KIAA0513: variants seen among roughly 807,000 people sequenced by gnomAD.
KIAA0513 encodes the protein KIAA0513.
KIAA0513 carries 39 observed loss-of-function variants against 56.5 expected under a neutral mutation model. The observed-to-expected ratio is 0.69, with a 90% CI of 0.53 to 0.90. KIAA0513 has a LOEUF of 0.90. KIAA0513 is among the 40% of genes least tolerant of loss of function. The pLI is 0.00. For missense variants in KIAA0513, 591 were observed against 535.2 expected (o/e 1.10, Z -1.03); for synonymous variants, 268 against 215.6 (o/e 1.24, Z -2.13).
chr16:85,028,439 C>T (rs957818157), intron 1 of KIAA0513, among the ~76,000 whole-genome samples: 1 of 152,150 alleles, frequency 6.6e-6, no homozygotes, highest in African/African-American at 2.4e-5. Flanking sequence ...CCTGTCCATT[C>T]TGCGTCTTCC....
rs755708902 is a variant in KIAA0513 at position 85,079,057 on chromosome 16, C to T, written c.902+54C>T. 5 of 1,613,434 alleles carry T rather than the reference C, an allele frequency of 3.1e-6. No homozygotes were observed. The African/African-American group carries it at 5.3e-5, about 17-fold the overall frequency. On this transcript the variant is annotated intron_variant, in intron 8 of 12. Coordinates refer to ENST00000683363, the MANE Select transcript of KIAA0513 (RefSeq NM_001388359.1). ...CCCTCTTACTGACGGGGCCAGCAGT[C>T]ACTCCCCGGGATCACTTCTAGCTGC...
chr16:85,071,170 C>T (rs767035851), intron 2 of KIAA0513, among the ~76,000 whole-genome samples: 9 of 152,004 alleles, frequency 5.9e-5, no homozygotes, highest in Non-Finnish European at 8.8e-5. Context: ...CTAGTGGTGG[C>T]GACACCAAGA....
At position 85,079,248 on chromosome 16, in the gene KIAA0513, T is replaced by C. The variant is rs903671427; in HGVS notation, c.902+245T>C. 14 of 741,234 alleles carry C rather than the reference T, an allele frequency of 1.9e-5. No individual in the cohort carries two copies. The African/African-American group carries it at 2.3e-4, about 12-fold the overall frequency. 45.9% of individuals were successfully genotyped at this position (741,234 alleles called of 1,614,324 possible). Reference sequence around the variant, plus strand: ...CTGAGAAACAGTCTGGCAGTTCCTTTAAAGGTGAAACACAAGAGTTACTCT... The same window carrying C: ...CTGAGAAACAGTCTGGCAGTTCCTTCAAAGGTGAAACACAAGAGTTACTCT... On this transcript the variant is annotated intron_variant, in intron 8 of 12. Transcript: ENST00000683363.
intron 2 of KIAA0513, among the ~76,000 whole-genome samples, chr16:85,070,666 C>T (rs1012920006): frequency 1.3e-5 from 2 of 152,150 alleles, no homozygotes; most frequent in Non-Finnish European, 2.9e-5. Flanking sequence ...CAAGACAGAG[C>T]GAGACTCCGT....
intron 10 of KIAA0513, among the ~76,000 whole-genome samples, chr16:85,085,183 A>G (rs756632283): frequency 2.6e-5 from 4 of 152,216 alleles, no homozygotes; most frequent in Admixed American, 2.6e-4. Context: ...GGGGAAAGAC[A>G]GTAGGAAGGA....
intron 1 of KIAA0513, among the ~76,000 whole-genome samples, chr16:85,047,997 C>T (rs1597601301): frequency 1.3e-5 from 2 of 152,098 alleles, no homozygotes; most frequent in African/African-American, 4.8e-5. Flanking sequence ...GTGGTGCTTA[C>T]CCTGTGGAGT....
chr16:85,069,822 G>A (rs1003175752), intron 2 of KIAA0513, among the ~76,000 whole-genome samples: 5 of 152,270 alleles, frequency 3.3e-5, no homozygotes, highest in Non-Finnish European at 5.9e-5. Context: ...ACACGTCAGC[G>A]TCTGAGAGGC....
At chr16:85,039,972 T>C (rs1376983549) in intron 1 of KIAA0513, among the ~76,000 whole-genome samples, 1 of 151,428 alleles carries the variant, frequency 6.6e-6, no homozygotes, top group Non-Finnish European at 1.5e-5. Context: ...GTAGCTGGGA[T>C]TACAGGCATG....
intron 1 of KIAA0513, among the ~76,000 whole-genome samples, chr16:85,061,136 G>A (rs996157931): frequency 3.3e-5 from 5 of 150,334 alleles, no homozygotes; most frequent in African/African-American, 7.4e-5. Flanking sequence ...CAGCCTGGGC[G>A]ACAGAGTGAG....
intron 1 of KIAA0513, among the ~76,000 whole-genome samples, chr16:85,062,882 T>C (rs189862934): frequency 2.0e-3 from 298 of 152,288 alleles, no homozygotes; most frequent in African/African-American, 6.5e-3. Context: ...GACCTTGTCC[T>C]GCCTAGAGGC....
At chr16:85,073,689 C>G (rs1010603815) in intron 4 of KIAA0513, among the ~76,000 whole-genome samples, 1 of 152,218 alleles carries the variant, frequency 6.6e-6, no homozygotes, top group Non-Finnish European at 1.5e-5. Flanking sequence ...GGGCAGTGGC[C>G]TGACCGACCC....
intron 1 of KIAA0513, among the ~76,000 whole-genome samples, chr16:85,054,421 C>CTTTTTTT (rs398042273): frequency 1.2e-3 from 145 of 119,528 alleles, no homozygotes; most frequent in East Asian, 3.6e-3. Flanking sequence ...TTTTTCTTTT[C>CTTTTTTT]TTTTTTTTTT....
intron 1 of KIAA0513, among the ~76,000 whole-genome samples, chr16:85,029,558 C>T (rs1046670380): frequency 2.1e-4 from 32 of 152,322 alleles, no homozygotes; most frequent in South Asian, 4.1e-4. Flanking sequence ...GTAGCCCCAG[C>T]GGCTCTGAGG....
rs1404572568 is a variant in KIAA0513, at chr16:85,090,510, C to G, written c.*2185C>G. ...GAAAGGCAGCGCTGACTTCGTTGGG[C>G]TTTTTTCCAAGCACTTTAACTTCAG... is the stretch of plus-strand genomic sequence containing the variant. On this transcript the variant is annotated 3_prime_UTR_variant, in exon 13 of 13. Coordinates refer to ENST00000683363, the MANE Select transcript of KIAA0513 (RefSeq NM_001388359.1). 3.3e-5 allele frequency: 5 copies of G among 152,296 alleles called. No homozygotes were observed. The highest frequency in any genetic ancestry group is 3.4e-3 in the Middle Eastern group (1 of 294). The allele number at this position is 152,296 out of a possible 1,614,324, so 9.4% of individuals were successfully genotyped here.
At chr16:85,062,989 G>A (rs1312654595) in intron 1 of KIAA0513, among the ~76,000 whole-genome samples, 3 of 146,812 alleles carry the variant, frequency 2.0e-5, no homozygotes, top group Admixed American at 7.1e-5. Context: ...ATCTGTGAGC[G>A]AGCCCCAGAC....
At chr16:85,045,421 T>C (rs1309487338) in intron 1 of KIAA0513, among the ~76,000 whole-genome samples, 1 of 152,180 alleles carries the variant, frequency 6.6e-6, no homozygotes, top group Non-Finnish European at 1.5e-5. Context: ...AGTGGTGCAA[T>C]ATTGGCTCAC....
rs62049919 is a variant in KIAA0513 at position 85,074,411 on chromosome 16, G to A, written c.503+1413G>A. 4.2e-3 allele frequency among the ~76,000 whole-genome samples: 638 copies of A among 151,772 alleles called. 8 individuals are homozygous for A. Among genetic ancestry groups the A allele is most frequent in the African/African-American group, 0.01 (414 of 41,324 alleles). On this transcript the variant is annotated intron_variant, in intron 4 of 12. Coordinates refer to ENST00000683363, the MANE Select transcript of KIAA0513 (RefSeq NM_001388359.1). ...GTCATCAGGCTGGTCTCAAACTCCC[G>A]GGCTCAAGGGATCCTCCTTCGTCAG...
At chr16:85,080,984 A>T (rs979248234) in intron 8 of KIAA0513, among the ~76,000 whole-genome samples, 2 of 152,306 alleles carry the variant, frequency 1.3e-5, no homozygotes, top group African/African-American at 4.8e-5. Flanking sequence ...CAGAAGAAGA[A>T]AACGACCCAC....
chr16:85,089,083 T>C lies in KIAA0513; in HGVS notation c.*758T>C, dbSNP rs1365820511. 6.6e-6 allele frequency: 1 copy of C among 152,172 alleles called. No homozygotes were observed. The highest frequency in any genetic ancestry group is 1.5e-5 in the Non-Finnish European group (1 of 68,048). The allele number at this position is 152,172 out of a possible 1,614,324, so 9.4% of individuals were successfully genotyped here. A position where few individuals can be genotyped will look rare whatever the true frequency, so the allele number is the denominator to read the frequency against. On this transcript the variant is annotated 3_prime_UTR_variant, in exon 13 of 13. Transcript: ENST00000683363. The surrounding 1 kb of genome is among the most constrained non-coding windows in gnomAD (Gnocchi z 4.2). ...GGCAGACCACACAGACCGTCTGAAA[T>C]GCGCCCGCCTGGCGGACAGCTCCCT...
Sources: allele counts gnomAD v4.1 joint callset (sites outside exome capture counted in the v4.1 genomes callset), GRCh38; gene constraint gnomAD v4.1.1; non-coding constraint Gnocchi (gnomAD v3.1); transcripts MANE v1.5; gene names NCBI Gene and HGNC (gene_info 2026-07-23, HGNC 2026-07-21).